CRY1: variants seen among roughly 807,000 people sequenced by gnomAD.
CRY1 encodes the protein cryptochrome circadian regulator 1.
In CRY1, 45 loss-of-function variants were observed where a neutral mutation model predicts 76.0. The observed-to-expected ratio is 0.59, with a 90% CI of 0.47 to 0.76. The LOEUF is 0.76. Among genes scored for constraint, CRY1 ranks in the 30% least tolerant of loss-of-function variants. The pLI is 0.00. For missense variants in CRY1, 587 were observed against 716.4 expected, an observed-to-expected ratio of 0.82 and a Z score of 2.06; for synonymous variants, 248 against 244.0, an observed-to-expected ratio of 1.02 and a Z score of -0.15.
intron 5 of CRY1, among the ~76,000 whole-genome samples, 186 bp downstream of exon 5, chr12:107,001,094 G>T (rs891603921): frequency 1.3e-5 from 2 of 152,134 alleles, no homozygotes; most frequent in Admixed American, 1.3e-4. Flanking sequence ...AGAAGAGAAG[G>T]AGAAAGAGCA....
At chr12:107,067,279 T>A (rs1306176611) in intron 1 of CRY1, among the ~76,000 whole-genome samples, 1 of 152,146 alleles carries the variant, frequency 6.6e-6, no homozygotes, top group Non-Finnish European at 1.5e-5. Flanking sequence ...ACTGTCTAAC[T>A]CTTCAAGAAA....
intron 2 of CRY1, among the ~76,000 whole-genome samples, chr12:107,020,931 A>G (rs1379742262): frequency 6.6e-6 from 1 of 152,232 alleles, no homozygotes; most frequent in African/African-American, 2.4e-5. Flanking sequence ...AAGGGAAGAG[A>G]TAAGATTAGG....
chr12:107,010,074 T>C (rs182762473), intron 2 of CRY1, among the ~76,000 whole-genome samples: 1 of 152,170 alleles, frequency 6.6e-6, no homozygotes, highest in Non-Finnish European at 1.5e-5. Flanking sequence ...GATATAGGGC[T>C]ATTCAGGTTT....
At chr12:107,003,000 G>C (rs1203171420) in intron 3 of CRY1, among the ~76,000 whole-genome samples, 1 of 152,112 alleles carries the variant, frequency 6.6e-6, no homozygotes, top group Non-Finnish European at 1.5e-5. Context: ...CCAGTCTCGG[G>C]TATGTCTTTA....
chr12:107,011,997 C>T (rs1310259859), intron 2 of CRY1, among the ~76,000 whole-genome samples: 1 of 152,154 alleles, frequency 6.6e-6, no homozygotes, highest in Non-Finnish European at 1.5e-5. Flanking sequence ...CGAGACCAGT[C>T]TGGCCAACAT....
At chr12:107,019,873 G>A (rs1952534614) in intron 2 of CRY1, among the ~76,000 whole-genome samples, 1 of 151,988 alleles carries the variant, frequency 6.6e-6, no homozygotes, top group Non-Finnish European at 1.5e-5. Context: ...GAGCTACAAT[G>A]GCACCACTGC....
intron 1 of CRY1, among the ~76,000 whole-genome samples, chr12:107,060,813 C>G (rs1218127896): frequency 6.6e-6 from 1 of 152,006 alleles, no homozygotes; most frequent in Non-Finnish European, 1.5e-5. Context: ...CCCGTCTCTA[C>G]TAAAAATACA....
At position 106,996,322 on chromosome 12, in the gene CRY1, T is replaced by C. The variant is rs183899742; in HGVS notation, c.1585+972A>G. 2.2e-4 allele frequency among the ~76,000 whole-genome samples: 34 copies of C among 152,356 alleles called. 1 individual carries two copies. Among genetic ancestry groups the C allele is most frequent in the Admixed American group, 6.5e-4 (10 of 15,304 alleles). On this transcript the variant is annotated intron_variant, in intron 10 of 12. Coordinates refer to ENST00000008527, the MANE Select transcript of CRY1 (RefSeq NM_004075.5). ...GATCTCGTTCCTTTTTATGGCTGCA[T>C]AGTATTTCATGGTACATATGTACCA...
Position 107,074,786 on chromosome 12 carries a change from G to A in CRY1, c.158+18018C>T, listed in dbSNP as rs146707888. Among the ~76,000 whole-genome samples, 106 of 152,240 alleles carry A rather than the reference G, an allele frequency of 7.0e-4. 3 individuals carry two copies. The East Asian group carries it at 0.019, about 27-fold the overall frequency. On this transcript the variant is annotated intron_variant, in intron 1 of 12. Transcript: ENST00000008527. ...TCCCAGCACCTTGGGAGGCTGAGGC[G>A]GGTGGATTACCTGAGTTCAGGAGTT...
At position 107,075,585 on chromosome 12, in the gene CRY1, CA is replaced by C. The variant is rs369587668; in HGVS notation, c.158+17218del. On this transcript the variant is annotated intron_variant, in intron 1 of 12. Coordinates refer to ENST00000008527, the MANE Select transcript of CRY1 (RefSeq NM_004075.5). ...GAAAGTCAACTTGAAATTCCATCAG[CA>C]AAATCAGCAGAACAATACTCATTTA... 2.0e-3 allele frequency among the ~76,000 whole-genome samples: 303 copies of C among 152,256 alleles called. 1 individual carries two copies. Among genetic ancestry groups the C allele is most frequent in the African/African-American group, 6.7e-3 (277 of 41,534 alleles).
intron 2 of CRY1, among the ~76,000 whole-genome samples, chr12:107,014,423 CA>C (rs1166006119): frequency 1.3e-5 from 2 of 152,130 alleles, no homozygotes; most frequent in Non-Finnish European, 2.9e-5. Flanking sequence ...ACAAGTATAT[CA>C]AGAAGAAAAG....
intron 2 of CRY1, among the ~76,000 whole-genome samples, chr12:107,011,122 G>A (rs1358903878): frequency 6.6e-6 from 1 of 152,116 alleles, no homozygotes; most frequent in Non-Finnish European, 1.5e-5. Context: ...CAAGGCGGGC[G>A]GATCACGAGG....
chr12:107,001,591 A>G (rs1252298133), intron 4 of CRY1, among the ~76,000 whole-genome samples, 173 bp downstream of exon 4: 1 of 152,236 alleles, frequency 6.6e-6, no homozygotes, highest in Admixed American at 6.5e-5. Flanking sequence ...TATAAAACAC[A>G]TAAATGATGA....
At chr12:107,065,628 T>C (rs1459661177) in intron 1 of CRY1, among the ~76,000 whole-genome samples, 4 of 152,024 alleles carry the variant, frequency 2.6e-5, no homozygotes, top group African/African-American at 9.7e-5. Flanking sequence ...CTGGGAATTT[T>C]GGTGTATAGA....
intron 1 of CRY1, among the ~76,000 whole-genome samples, chr12:107,035,374 C>T (rs903249907): frequency 6.6e-5 from 10 of 151,814 alleles, no homozygotes; most frequent in African/African-American, 1.7e-4. Context: ...TGTTGTGGTC[C>T]CTGGTAATAA....
chr12:107,041,332 GA>G (rs1952797192), intron 1 of CRY1, among the ~76,000 whole-genome samples: 1 of 152,094 alleles, frequency 6.6e-6, no homozygotes, highest in South Asian at 2.1e-4. Context: ...CATAAAAAAG[GA>G]AAGCAATTAT....
At chr12:107,077,432 T>C (rs546708544) in intron 1 of CRY1, among the ~76,000 whole-genome samples, 1 of 152,302 alleles carries the variant, frequency 6.6e-6, no homozygotes, top group Admixed American at 6.5e-5. Flanking sequence ...AATGACTAAA[T>C]GAAGGGAGAG....
At chr12:107,074,096 T>C (rs1953222106) in intron 1 of CRY1, among the ~76,000 whole-genome samples, 1 of 152,210 alleles carries the variant, frequency 6.6e-6, no homozygotes, top group Non-Finnish European at 1.5e-5. Flanking sequence ...CTGATGGTTA[T>C]TCTTCTTTTT....
At chr12:107,006,093 T>C (rs1036988122) in intron 2 of CRY1, among the ~76,000 whole-genome samples, 3 of 152,130 alleles carry the variant, frequency 2.0e-5, no homozygotes, top group South Asian at 2.1e-4. Context: ...TTTAAAAAAA[T>C]TGCTATTCTA....
Sources: allele counts gnomAD v4.1 joint callset (sites outside exome capture counted in the v4.1 genomes callset), GRCh38; gene constraint gnomAD v4.1.1; transcripts MANE v1.5; gene names NCBI Gene and HGNC (gene_info 2026-07-23, HGNC 2026-07-21).